TMEFF2: variants seen among roughly 807,000 people sequenced by gnomAD.
The protein encoded by TMEFF2 is tomoregulin-2.
A neutral mutation model predicts 53.8 loss-of-function variants in TMEFF2; 28 were observed. The ratio of observed to expected loss-of-function variants is 0.52; its 90% CI spans 0.39 to 0.71. The LOEUF is 0.71. TMEFF2 is among the 30% of genes least tolerant of loss of function. The probability of loss-of-function intolerance (pLI) is 0.00; values close to 1 mark genes in which losing one functional copy is unlikely to be tolerated. For missense variants in TMEFF2, 353 were observed against 455.2 expected, an observed-to-expected ratio of 0.78 and a Z score of 2.04; for synonymous variants, 162 against 166.3, an observed-to-expected ratio of 0.97 and a Z score of 0.20.
At chr2:192,191,771 C>T (rs1691466287) in intron 2 of TMEFF2, 109 bp downstream of exon 2, 1 of 708,928 alleles carries the variant, frequency 1.4e-6, no homozygotes, top group East Asian at 2.8e-5. Context: ...GTGCCAGCTT[C>T]CCTCTTAGCT....
intron 4 of TMEFF2, among the ~76,000 whole-genome samples, chr2:192,116,975 G>T (rs541751450): frequency 7.9e-5 from 12 of 151,880 alleles, no homozygotes; most frequent in Non-Finnish European, 2.9e-5. Flanking sequence ...TTTCAAAAAC[G>T]TATTTTTCTT....
chr2:192,120,923 A>G (rs561657785), intron 4 of TMEFF2, among the ~76,000 whole-genome samples: 1 of 151,960 alleles, frequency 6.6e-6, no homozygotes, highest in African/African-American at 2.4e-5. Flanking sequence ...TTTAGTAGAG[A>G]CGGGGTTTCA....
chr2:192,019,630 T>C (rs1686817571), intron 5 of TMEFF2, among the ~76,000 whole-genome samples: 1 of 151,990 alleles, frequency 6.6e-6, no homozygotes, highest in Non-Finnish European at 1.5e-5. Context: ...CATTTTTAAA[T>C]GTTGTCTTTT....
At chr2:191,979,082 A>G (rs1424151357) in intron 7 of TMEFF2, among the ~76,000 whole-genome samples, 2 of 152,218 alleles carry the variant, frequency 1.3e-5, no homozygotes, top group Non-Finnish European at 2.9e-5. Context: ...TAGTTTACAT[A>G]TTAGGATTTA....
At chr2:192,041,335 A>G (rs1687475516) in intron 5 of TMEFF2, among the ~76,000 whole-genome samples, 1 of 152,234 alleles carries the variant, frequency 6.6e-6, no homozygotes, top group Admixed American at 6.5e-5. Flanking sequence ...TTCTAAAAAG[A>G]TAAACAAATG....
intron 4 of TMEFF2, among the ~76,000 whole-genome samples, chr2:192,131,481 A>AG (rs1401740963): frequency 1.3e-5 from 2 of 151,894 alleles, no homozygotes; most frequent in South Asian, 4.2e-4. Flanking sequence ...CCACTTTTCT[A>AG]GGGGGCAAGA....
intron 4 of TMEFF2, among the ~76,000 whole-genome samples, chr2:192,072,590 T>TAGAAG (rs1250687832): frequency 1.1e-5 from 1 of 94,664 alleles, no homozygotes; most frequent in Admixed American, 1.1e-4. Flanking sequence ...TAAAATGAAG[T>TAGAAG]TTTTTTCCCT....
intron 4 of TMEFF2, among the ~76,000 whole-genome samples, chr2:192,073,528 C>T (rs1382719876): frequency 1.3e-5 from 2 of 151,758 alleles, no homozygotes; most frequent in Non-Finnish European, 2.9e-5. Flanking sequence ...AAAAACCAGC[C>T]TCAGAACTTC....
intron 7 of TMEFF2, among the ~76,000 whole-genome samples, chr2:191,956,850 C>T (rs1468396802): frequency 6.6e-6 from 1 of 152,116 alleles, no homozygotes; most frequent in Non-Finnish European, 1.5e-5. Flanking sequence ...TTTTCCAAAC[C>T]GAATGCAAAT....
At chr2:191,993,751 T>C (rs1160398129) in intron 7 of TMEFF2, among the ~76,000 whole-genome samples, 1 of 152,082 alleles carries the variant, frequency 6.6e-6, no homozygotes, top group Admixed American at 6.6e-5. Flanking sequence ...GTTATACATA[T>C]TTTAATTCTA....
At chr2:192,159,158 C>T (rs963782934) in intron 4 of TMEFF2, among the ~76,000 whole-genome samples, 1 of 152,088 alleles carries the variant, frequency 6.6e-6, no homozygotes, top group Non-Finnish European at 1.5e-5. Context: ...TCAACAAATG[C>T]TAAATGGGGA....
At chr2:192,172,250 A>G (rs115913353) in intron 4 of TMEFF2, among the ~76,000 whole-genome samples, 3 of 151,766 alleles carry the variant, frequency 2.0e-5, no homozygotes, top group African/African-American at 4.8e-5. Context: ...CCTCTTCCCA[A>G]TCTTACTTTC....
intron 4 of TMEFF2, among the ~76,000 whole-genome samples, chr2:192,146,173 A>G (rs1690247076): frequency 6.6e-6 from 1 of 152,068 alleles, no homozygotes; most frequent in African/African-American, 2.4e-5. Context: ...CTCTATGACA[A>G]CTGCAAAAAA....
chr2:192,050,757 C>T (rs968725272), intron 5 of TMEFF2, among the ~76,000 whole-genome samples: 1 of 152,122 alleles, frequency 6.6e-6, no homozygotes, highest in African/African-American at 2.4e-5. Context: ...TTTATTACAT[C>T]GTGTGAAATT....
intron 7 of TMEFF2, among the ~76,000 whole-genome samples, chr2:191,975,333 G>A (rs1460181575): frequency 7.1e-6 from 1 of 140,068 alleles, no homozygotes; most frequent in South Asian, 2.3e-4. Context: ...TTCTCACTTC[G>A]TCTGTTTAGA....
Position 192,135,558 on chromosome 2 carries a change from C to T in TMEFF2, c.439+44110G>A, listed in dbSNP as rs1049046992. Among the ~76,000 whole-genome samples the T allele has an allele frequency of 2.6e-4, 40 of 152,244 alleles. No homozygotes were observed. In the East Asian group the frequency reaches 4.1e-3, roughly 15 times the overall value. On this transcript the variant is annotated intron_variant, in intron 4 of 9. Transcript: ENST00000272771. ...GAGGTTCCCATGCTGCCCCTAATCC[C>T]GCTTGAAGCAGCCCTGAGAAACATC...
At chr2:192,078,737 C>A (rs1449461692) in intron 4 of TMEFF2, among the ~76,000 whole-genome samples, 2 of 152,060 alleles carry the variant, frequency 1.3e-5, no homozygotes, top group African/African-American at 4.8e-5. Context: ...AATTTGACAA[C>A]AAATTCTACT....
rs140309413 is a variant in TMEFF2 at position 191,952,086 on chromosome 2, A to G, written c.1028+1593T>C. On this transcript the variant is annotated intron_variant, in intron 9 of 9. Transcript: ENST00000272771. ...GTTGCTCAGCTGTGTGAAGTCAGCAATTTGCCAACTTCTACCTCAGGGTCT... is the reference window on the plus strand; with the variant it reads ...GTTGCTCAGCTGTGTGAAGTCAGCAGTTTGCCAACTTCTACCTCAGGGTCT... 2.0e-3 allele frequency among the ~76,000 whole-genome samples: 301 copies of G among 152,282 alleles called. 7 individuals are homozygous for G. The South Asian group carries it at 0.02, about 10-fold the overall frequency.
chr2:192,132,678 G>A (rs1011952061), intron 4 of TMEFF2, among the ~76,000 whole-genome samples: 3 of 152,062 alleles, frequency 2.0e-5, no homozygotes, highest in Non-Finnish European at 2.9e-5. Flanking sequence ...CTCCAGGCCC[G>A]CTTCCCCCAG....
Sources: allele counts gnomAD v4.1 joint callset (sites outside exome capture counted in the v4.1 genomes callset), GRCh38; gene constraint gnomAD v4.1.1; transcripts MANE v1.5; gene names NCBI Gene and HGNC (gene_info 2026-07-23, HGNC 2026-07-21).